SLC35A3: variants seen among roughly 807,000 people sequenced by gnomAD.
SLC35A3 encodes solute carrier family 35 member A3.
Under a neutral mutation model 39.0 loss-of-function variants are expected in SLC35A3, and 26 were observed. That is an observed-to-expected ratio of 0.67 (90% CI 0.49 to 0.92). The LOEUF is 0.92. Among genes scored for constraint, SLC35A3 ranks in the 40% least tolerant of loss-of-function variants. SLC35A3 has a pLI of 0.00. For missense variants in SLC35A3, 299 were observed against 371.6 expected, an observed-to-expected ratio of 0.80 and a Z score of 1.61; for synonymous variants, 135 against 133.1, an observed-to-expected ratio of 1.01 and a Z score of -0.10.
intron 2 of SLC35A3, 68 bp downstream of exon 2, chr1:99,993,809 T>A: frequency 7.3e-7 from 1 of 1,371,534 alleles, no homozygotes; most frequent in Non-Finnish European, 1.0e-6. Context: ...TATTGGTAAC[T>A]ACACATTTGC....
At chr1:99,999,012 T>C (rs1570596842) in intron 2 of SLC35A3, among the ~76,000 whole-genome samples, 1 of 152,174 alleles carries the variant, frequency 6.6e-6, no homozygotes, top group South Asian at 2.1e-4. Flanking sequence ...TTTGTATATA[T>C]ACATATATGT....
chr1:99,985,477 T>A (rs960220171), intron 1 of SLC35A3, among the ~76,000 whole-genome samples: 3 of 152,210 alleles, frequency 2.0e-5, no homozygotes, highest in African/African-American at 7.2e-5. Flanking sequence ...GGCCTTATAG[T>A]ATAGTTTGAA....
intron 1 of SLC35A3, among the ~76,000 whole-genome samples, chr1:99,982,468 C>G (rs1657515520): frequency 6.6e-6 from 1 of 151,948 alleles, no homozygotes; most frequent in Non-Finnish European, 1.5e-5. Context: ...GAAACATATG[C>G]ATTATATAAT....
chr1:99,977,434 C>T (rs59082681), intron 1 of SLC35A3, among the ~76,000 whole-genome samples: 4,658 of 150,716 alleles, frequency 0.031, 258 homozygotes, highest in African/African-American at 0.11. Flanking sequence ...CTCAGCTACT[C>T]GGGAGGCTGA....
In SLC35A3 at chr1:100,017,737, A is replaced by C; in HGVS notation, c.809A>C (p.Lys270Thr). Residue 270 changes from lysine (K) to threonine (T), a missense_variant, in exon 7 of 8, where the codon AAA (lysine) becomes ACA (threonine). By Grantham distance (78) the Lys-to-Thr change is moderately conservative. Coordinates refer to ENST00000533028, the MANE Select transcript of SLC35A3 (RefSeq NM_012243.3). ...ATTAAGTATGCAGATAATATTTTAA[A>C]AGGATTTGCAACCTCTTTATCGATA... Reference protein sequence around the residue: ...AVIKYADNILKGFATSLSIIL... With the variant: ...AVIKYADNILTGFATSLSIIL... The C allele has an allele frequency of 1.3e-6, 2 of 1,577,556 alleles. No homozygotes were observed. The highest frequency in any genetic ancestry group is 1.7e-6 in the Non-Finnish European group (2 of 1,162,120).
At chr1:99,974,172 A>G (rs1430184737) in intron 1 of SLC35A3, among the ~76,000 whole-genome samples, 1 of 152,158 alleles carries the variant, frequency 6.6e-6, no homozygotes, top group Non-Finnish European at 1.5e-5. Flanking sequence ...TTCTAAATTC[A>G]TATATGCTAT....
intron 1 of SLC35A3, chr1:99,974,832 A>G (rs1657020631): frequency 6.6e-6 from 1 of 152,222 alleles, no homozygotes; most frequent in African/African-American, 2.4e-5. Context: ...ACCTAGCACA[A>G]TGCCTGATAT....
chr1:99,970,249 A>C, intron 1 of SLC35A3, 87 bp downstream of exon 1: 12 of 248,736 alleles, frequency 4.8e-5, no homozygotes, highest in Non-Finnish European at 7.7e-5. Context: ...AGGAGGAGGA[A>C]GAGGAGGCAT....
rs1385269585 is a variant in SLC35A3, at chr1:100,031,674, A to C, written c.*9198A>C. 2 of 152,202 alleles carry C rather than the reference A, an allele frequency of 1.3e-5. No homozygotes were observed. The highest frequency in any genetic ancestry group is 2.9e-5 in the Non-Finnish European group (2 of 68,046). 9.4% of individuals were successfully genotyped at this position (152,202 alleles called of 1,614,324 possible). A position where few individuals can be genotyped will look rare whatever the true frequency, so the allele number is the denominator to read the frequency against. On this transcript the variant is annotated 3_prime_UTR_variant, in exon 8 of 8. Coordinates refer to ENST00000533028, the MANE Select transcript of SLC35A3 (RefSeq NM_012243.3). ...TTTGGCTGAAAAAAAATCTGCATATAAGTGGACCCATGCAGTTCAAATCTG... is the reference window on the plus strand; with the variant it reads ...TTTGGCTGAAAAAAAATCTGCATATCAGTGGACCCATGCAGTTCAAATCTG...
chr1:100,030,946 A>G lies in SLC35A3; in HGVS notation c.*8470A>G, dbSNP rs1022633899. The G allele has an allele frequency of 6.6e-6, 1 of 152,178 alleles. No individual in the cohort carries two copies. Among genetic ancestry groups the G allele is most frequent in the Non-Finnish European group, 1.5e-5 (1 of 68,032 alleles). 9.4% of individuals were successfully genotyped at this position (152,178 alleles called of 1,614,324 possible). On this transcript the variant is annotated 3_prime_UTR_variant, in exon 8 of 8. Transcript: ENST00000533028. ...AAGATGTGTGCCCATGTTTCATTTTATAACTGTTCCAGTCATATTGCTATG... is the reference window on the plus strand; with the variant it reads ...AAGATGTGTGCCCATGTTTCATTTTGTAACTGTTCCAGTCATATTGCTATG...
At chr1:99,980,475 G>T (rs1347256746) in intron 1 of SLC35A3, among the ~76,000 whole-genome samples, 1 of 152,156 alleles carries the variant, frequency 6.6e-6, no homozygotes, top group Non-Finnish European at 1.5e-5. Context: ...AGTGCTGAAC[G>T]ATTTTTATCT....
rs1659273468 is a variant in SLC35A3, at chr1:100,006,938, G to A, written c.343-96G>A. On this transcript the variant is annotated intron_variant, in intron 3 of 7. Coordinates refer to ENST00000533028, the MANE Select transcript of SLC35A3 (RefSeq NM_012243.3). ...CCAGCCAGATGCAACCACCAGGCAT[G>A]CTGCCATAGTCCTTAAAATACATTT... 6.6e-6 allele frequency: 9 copies of A among 1,359,618 alleles called. No homozygotes were observed. The East Asian group carries it at 2.4e-4, about 36-fold the overall frequency. 84.2% of individuals were successfully genotyped at this position (1,359,618 alleles called of 1,614,324 possible).
chr1:100,004,705 A>T (rs896120074), intron 3 of SLC35A3, among the ~76,000 whole-genome samples: 7 of 151,718 alleles, frequency 4.6e-5, no homozygotes, highest in African/African-American at 9.7e-5. Context: ...TTTTTAATTT[A>T]AAAAAAATTA....
intron 1 of SLC35A3, among the ~76,000 whole-genome samples, chr1:99,987,104 A>G (rs182048491): frequency 6.6e-6 from 1 of 152,344 alleles, no homozygotes; most frequent in Admixed American, 6.5e-5. Flanking sequence ...GAATTTTACA[A>G]TAGCATGTAG....
intron 7 of SLC35A3, 177 bp downstream of exon 7, chr1:100,017,992 A>G (rs1470635153): frequency 5.2e-6 from 2 of 383,360 alleles, no homozygotes; most frequent in African/African-American, 2.1e-5. Flanking sequence ...TCTCCTGAAA[A>G]GTTTCTTATA....
chr1:100,023,361 A>G lies in SLC35A3; in HGVS notation c.*885A>G, dbSNP rs1237543006. The G allele has an allele frequency of 6.6e-6, 1 of 152,218 alleles. No individual in the cohort carries two copies. Among genetic ancestry groups the G allele is most frequent in the Non-Finnish European group, 1.5e-5 (1 of 68,028 alleles). 9.4% of individuals were successfully genotyped at this position (152,218 alleles called of 1,614,324 possible). A position where few individuals can be genotyped will look rare whatever the true frequency, so the allele number is the denominator to read the frequency against. ...AATACTCATTTAATAATTTAAAATA[A>G]TTATTGTATAATATCTACATTTGGA... On this transcript the variant is annotated 3_prime_UTR_variant, in exon 8 of 8. Transcript: ENST00000533028.
intron 1 of SLC35A3, among the ~76,000 whole-genome samples, chr1:99,977,734 C>G (rs1444761977): frequency 6.6e-6 from 1 of 152,222 alleles, no homozygotes; most frequent in South Asian, 2.1e-4. Flanking sequence ...AGACAGAGTC[C>G]GACTATGTTG....
rs1661062037 is a variant in SLC35A3, at chr1:100,028,779, G to C, written c.*6303G>C. 6.6e-6 allele frequency: 1 copy of C among 152,194 alleles called. No individual in the cohort carries two copies. The highest frequency in any genetic ancestry group is 6.5e-5 in the Admixed American group (1 of 15,278). The allele number at this position is 152,194 out of a possible 1,614,324, so 9.4% of individuals were successfully genotyped here. On this transcript the variant is annotated 3_prime_UTR_variant, in exon 8 of 8. Coordinates refer to ENST00000533028, the MANE Select transcript of SLC35A3 (RefSeq NM_012243.3). ...TTCTGCTATGGCTGAGAGTGTTTTG[G>C]TCATTGCAAATTCAGGGGTTTCCCA...
intron 1 of SLC35A3, among the ~76,000 whole-genome samples, chr1:99,974,014 C>CAAAAAA (rs1251803858): frequency 1.5e-5 from 1 of 68,164 alleles, no homozygotes. Context: ...GACTCCATCT[C>CAAAAAA]AAAAAAAAAA....
Sources: allele counts gnomAD v4.1 joint callset (sites outside exome capture counted in the v4.1 genomes callset), GRCh38; gene constraint gnomAD v4.1.1; transcripts MANE v1.5; gene names NCBI Gene and HGNC (gene_info 2026-07-23, HGNC 2026-07-21).